Variants in TENM3 observed in about 807,000 individuals in gnomAD.
TENM3 encodes teneurin-3.
TENM3 carries 63 observed loss-of-function variants against 255.1 expected under a neutral mutation model. The observed-to-expected ratio is 0.25, with a 90% confidence interval of 0.20 to 0.30. The LOEUF (loss-of-function observed/expected upper bound fraction) is 0.30. Ranked by LOEUF, TENM3 falls within the 10% of genes least tolerant of loss-of-function variation. The probability of loss-of-function intolerance (pLI) is 1.00; values close to 1 mark genes in which losing one functional copy is unlikely to be tolerated. For missense variants in TENM3, 2,929 were observed against 3,461.1 expected (o/e 0.85, Z 3.86); for synonymous variants, 1,306 against 1,322.3 (o/e 0.99, Z 0.27).
intron 1 of TENM3, among the ~76,000 whole-genome samples, chr4:182,266,606 T>C (rs1759259147): frequency 6.6e-6 from 1 of 152,204 alleles, no homozygotes; most frequent in South Asian, 2.1e-4. Flanking sequence ...TAAGGTTTTA[T>C]TAAAAATTGG....
chr4:182,027,755 G>A, the TENM3 span, among the ~76,000 whole-genome samples: 1 of 151,960 alleles, frequency 6.6e-6, no homozygotes, highest in African/African-American at 2.4e-5. Context: ...TTGTCAATAT[G>A]ATGTATCACA....
intron 3 of TENM3, among the ~76,000 whole-genome samples, chr4:182,380,074 G>A (rs1767459755): frequency 6.6e-6 from 1 of 152,078 alleles, no homozygotes; most frequent in Admixed American, 6.5e-5. Context: ...TTCGAGACCA[G>A]CCTGGACAAC....
At chr4:181,532,471 T>C in the TENM3 span, among the ~76,000 whole-genome samples, 1 of 152,180 alleles carries the variant, frequency 6.6e-6, no homozygotes, top group African/African-American at 2.4e-5. Flanking sequence ...GGGTCCATTT[T>C]TAACATGGTG....
the TENM3 span, among the ~76,000 whole-genome samples, chr4:181,951,885 T>TA: frequency 3.3e-4 from 51 of 152,338 alleles, no homozygotes; most frequent in Non-Finnish European, 6.5e-4. Flanking sequence ...AAACCTATGG[T>TA]AAAAGAGTTC....
chr4:181,605,494 GAAAGAAAGAAA>G, the TENM3 span, among the ~76,000 whole-genome samples: 1 of 8,172 alleles, frequency 1.2e-4, no homozygotes, highest in South Asian at 4.7e-3. Context: ...AAGAAAGAAA[GAAAGAAAGAAA>G]GAAAGAAAGA....
At chr4:182,356,235 C>T (rs1254371268) in intron 3 of TENM3, among the ~76,000 whole-genome samples, 6 of 152,104 alleles carry the variant, frequency 3.9e-5, no homozygotes, top group Admixed American at 1.3e-4. Flanking sequence ...CAGCAATACC[C>T]GTGTCTGTAG....
At chr4:182,734,899 G>A (rs1184315908) in intron 16 of TENM3, among the ~76,000 whole-genome samples, 1 of 152,200 alleles carries the variant, frequency 6.6e-6, no homozygotes, top group Non-Finnish European at 1.5e-5. Context: ...TCGTAAGAGA[G>A]TCCCTTACTC....
At chr4:182,723,638 T>C (rs1759922284) in intron 13 of TENM3, among the ~76,000 whole-genome samples, 1 of 152,186 alleles carries the variant, frequency 6.6e-6, no homozygotes, top group South Asian at 2.1e-4. Flanking sequence ...TCAAGAGTTT[T>C]AATAATCCAA....
Position 182,593,455 on chromosome 4 carries a change from A to G in TENM3, c.512-7469A>G, listed in dbSNP as rs146879929. The stretch of plus-strand genomic sequence containing the variant: ...CCTTTCTCCATCCCTTCCTGACTCC[A>G]TTTGTCTTTTGATGACTGACTTTAC... On this transcript the variant is annotated intron_variant, in intron 3 of 27. Transcript: ENST00000511685. Among the ~76,000 whole-genome samples, 172 of 151,484 alleles carry G rather than the reference A, an allele frequency of 1.1e-3. 1 individual carries two copies. The East Asian group carries it at 0.028, about 25-fold the overall frequency.
chr4:182,798,701 G>A (rs1766675181), intron 27 of TENM3, among the ~76,000 whole-genome samples: 1 of 152,180 alleles, frequency 6.6e-6, no homozygotes, highest in Non-Finnish European at 1.5e-5. Flanking sequence ...AAATGGACTT[G>A]CCAGCTCTTT....
At chr4:181,464,603 C>G in the TENM3 span, among the ~76,000 whole-genome samples, 195 of 152,026 alleles carry the variant, frequency 1.3e-3, 2 homozygotes, top group African/African-American at 4.5e-3. Flanking sequence ...TGTGGGTTTT[C>G]TTTTCATTTT....
At chr4:181,729,646 C>T in the TENM3 span, among the ~76,000 whole-genome samples, 2 of 152,328 alleles carry the variant, frequency 1.3e-5, no homozygotes, top group East Asian at 1.9e-4. Flanking sequence ...GCCTCTTTCA[C>T]GTGACAGAGC....
the TENM3 span, among the ~76,000 whole-genome samples, chr4:181,904,084 A>G: frequency 6.6e-6 from 1 of 152,086 alleles, no homozygotes; most frequent in Non-Finnish European, 1.5e-5. Flanking sequence ...AGCTCTTGAT[A>G]TCCACTTCCA....
At chr4:181,714,160 G>A in the TENM3 span, among the ~76,000 whole-genome samples, 4 of 152,202 alleles carry the variant, frequency 2.6e-5, no homozygotes, top group African/African-American at 9.6e-5. Flanking sequence ...TTGGGGCCAG[G>A]TGCGGTGGCT....
the TENM3 span, among the ~76,000 whole-genome samples, chr4:181,554,474 G>T: frequency 6.6e-6 from 1 of 152,134 alleles, no homozygotes; most frequent in Non-Finnish European, 1.5e-5. Flanking sequence ...TAATATCTAT[G>T]ATGAGAACAT....
At chr4:182,435,616 C>T (rs1421231724) in intron 3 of TENM3, among the ~76,000 whole-genome samples, 1 of 152,140 alleles carries the variant, frequency 6.6e-6, no homozygotes, top group African/African-American at 2.4e-5. Context: ...TGCCTGCCTT[C>T]CTTGGGCCAG....
chr4:182,002,215 A>G, the TENM3 span, among the ~76,000 whole-genome samples: 43 of 152,252 alleles, frequency 2.8e-4, 1 homozygote, highest in East Asian at 7.3e-3. Context: ...TCCAAGACAG[A>G]AAGCATGTTT....
intron 5 of TENM3, among the ~76,000 whole-genome samples, chr4:182,636,680 G>T (rs1245966159): frequency 6.6e-6 from 1 of 150,774 alleles, no homozygotes; most frequent in African/African-American, 2.4e-5. Context: ...TCGCGCCACC[G>T]TACTCCAGCC....
chr4:182,038,597 A>G, the TENM3 span, among the ~76,000 whole-genome samples: 1 of 152,212 alleles, frequency 6.6e-6, no homozygotes, highest in Non-Finnish European at 1.5e-5. Flanking sequence ...CACCGAGCCT[A>G]TGACATCCCT....
Sources: allele counts gnomAD v4.1 joint callset (sites outside exome capture counted in the v4.1 genomes callset), GRCh38; gene constraint gnomAD v4.1.1; transcripts MANE v1.5; gene names NCBI Gene and HGNC (gene_info 2026-07-23, HGNC 2026-07-21).